The following PSMC1 variants were observed in gnomAD, a reference collection of about 807,000 sequenced individuals.
PSMC1 encodes the protein proteasome 26S subunit, ATPase 1.
A neutral mutation model predicts 49.8 loss-of-function variants in PSMC1; 5 were observed. The ratio of observed to expected loss-of-function variants is 0.10; its 90% CI spans 0.05 to 0.21. The LOEUF (loss-of-function observed/expected upper bound fraction) is 0.21. Ranked by LOEUF, PSMC1 falls within the 10% of genes least tolerant of loss-of-function variation. The pLI, the probability that PSMC1 is intolerant of heterozygous loss-of-function variation, is 1.00. For missense variants in PSMC1, 181 were observed against 535.7 expected, an observed-to-expected ratio of 0.34 and a Z score of 6.54; for synonymous variants, 155 against 192.1, an observed-to-expected ratio of 0.81 and a Z score of 1.60.
chr14:90,265,429 G>A (rs1032097284), intron 7 of PSMC1, among the ~76,000 whole-genome samples: 1 of 151,708 alleles, frequency 6.6e-6, no homozygotes, highest in Non-Finnish European at 1.5e-5. Flanking sequence ...AGTGGCTCAC[G>A]CCTGTAATCC....
chr14:90,272,467 A>C lies in PSMC1; in HGVS notation c.*60A>C. 7.7e-7 allele frequency: 1 copy of C among 1,292,084 alleles called. No homozygotes were observed. Among genetic ancestry groups the C allele is most frequent in the Non-Finnish European group, 1.1e-6 (1 of 943,120 alleles). The allele number at this position is 1,292,084 out of a possible 1,614,324, so 80.0% of individuals were successfully genotyped here. On this transcript the variant is annotated 3_prime_UTR_variant, in exon 11 of 11. Transcript: ENST00000261303. This position sits in a 1 kb window ranked among gnomAD's most constrained non-coding sequence, Gnocchi z 4.5. ...GATTTCTCAATCCCTGAAAGGGATG[A>C]GGTTGGGGGAGTTGCCCAGAGGAAT...
At chr14:90,265,321 G>C (rs533810399) in intron 7 of PSMC1, among the ~76,000 whole-genome samples, 155 bp downstream of exon 7, 22 of 150,834 alleles carry the variant, frequency 1.5e-4, no homozygotes, top group African/African-American at 5.1e-4. Flanking sequence ...GAATCACCTT[G>C]GGAGCTTTAA....
In PSMC1 at chr14:90,274,825, CACACACA is replaced by C. The variant is rs1891763908; in HGVS notation, c.*2419_*2425del. ...ACACACACACACACACACACACACA[CACACACA>C]CACACACCCCAATACATATGAATTG... is the stretch of plus-strand genomic sequence containing the variant. On this transcript the variant is annotated 3_prime_UTR_variant, in exon 11 of 11. Transcript: ENST00000261303. 1.1e-5 allele frequency: 1 copy of C among 91,818 alleles called. No homozygotes were observed. The highest frequency in any genetic ancestry group is 2.2e-5 in the Non-Finnish European group (1 of 46,000). 5.7% of individuals were successfully genotyped at this position (91,818 alleles called of 1,614,324 possible). A position where few individuals can be genotyped will look rare whatever the true frequency, so the allele number is the denominator to read the frequency against.
chr14:90,265,713 G>A (rs1891495648), intron 7 of PSMC1, among the ~76,000 whole-genome samples: 1 of 144,422 alleles, frequency 6.9e-6, no homozygotes, highest in African/African-American at 2.9e-5. Context: ...AAAAAGATTA[G>A]GTGGGCGTGG....
intron 8 of PSMC1, chr14:90,268,683 G>GT (rs1891582064): frequency 1.5e-5 from 5 of 343,850 alleles, no homozygotes; most frequent in Non-Finnish European, 2.1e-5. Flanking sequence ...GGACACAGTT[G>GT]TGAGCACAAG....
Position 90,270,312 on chromosome 14 carries a change from T to G in PSMC1, c.1148T>G (p.Leu383Arg). The G allele has an allele frequency of 6.2e-7, 1 of 1,613,706 alleles. No individual in the cohort carries two copies. The highest frequency in any genetic ancestry group is 8.5e-7 in the Non-Finnish European group (1 of 1,179,948). The change falls in exon 10 of 11, where the codon CTG (leucine) becomes CGG (arginine). Residue 383 changes from leucine to arginine, a missense_variant. Leu to Arg is a moderately radical substitution (Grantham distance 102). Around this residue, in one of 3 missense-constraint regions of PSMC1, gnomAD observed 60 missense variants for 155.5 expected, o/e 0.39. Coordinates refer to ENST00000261303, the MANE Select transcript of PSMC1 (RefSeq NM_002802.3). ...TLADDVTLDD[L>R]IMAKDDLSGA... ...GCTGATGATGTAACCCTGGACGACC[T>G]GATCATGGCTAAAGATGACCTCTCT...
rs1231981737 is a variant in PSMC1, at chr14:90,264,243, G to A, written c.594+74G>A. 3.8e-6 allele frequency: 6 copies of A among 1,571,798 alleles called. No homozygotes were observed. The African/African-American group carries it at 4.1e-5, about 11-fold the overall frequency. Reference sequence around the variant, plus strand: ...GTCCCATTTAGGATACTTTGCAGGTGTTTTGTATGTTTGCTTATTTATTAA... The same window carrying A: ...GTCCCATTTAGGATACTTTGCAGGTATTTTGTATGTTTGCTTATTTATTAA... On this transcript the variant is annotated intron_variant, in intron 6 of 10. Coordinates refer to ENST00000261303, the MANE Select transcript of PSMC1 (RefSeq NM_002802.3).
At chr14:90,257,664 A>G (rs987194739) in intron 1 of PSMC1, among the ~76,000 whole-genome samples, 3 of 152,116 alleles carry the variant, frequency 2.0e-5, no homozygotes, top group Admixed American at 6.5e-5. Context: ...GCTGGAGTGC[A>G]GTGGCGCGAT....
In PSMC1 at chr14:90,272,565, G is replaced by A. The variant is rs952687494; in HGVS notation, c.*158G>A. On this transcript the variant is annotated 3_prime_UTR_variant, in exon 11 of 11. Transcript: ENST00000261303. This position sits in a 1 kb window ranked among gnomAD's most constrained non-coding sequence, Gnocchi z 4.5. ...AGTACGATGTGTAAGTGCCCATTGG[G>A]TGGCCTGTTGGTCACTGTGCAGCAG... The A allele has an allele frequency of 2.1e-4, 119 of 577,254 alleles. No individual in the cohort carries two copies. The highest frequency in any genetic ancestry group is 3.4e-4 in the Non-Finnish European group (110 of 321,510). 35.8% of individuals were successfully genotyped at this position (577,254 alleles called of 1,614,324 possible).
chr14:90,259,096 A>G, intron 1 of PSMC1, 64 bp from the exon 2 acceptor site: 2 of 1,522,628 alleles, frequency 1.3e-6, no homozygotes, highest in Non-Finnish European at 1.8e-6. Context: ...AGGACAGTAT[A>G]AAGTTATTCT....
In PSMC1 at chr14:90,272,047, C is replaced by T. The variant is rs920147570; in HGVS notation, c.1189-226C>T. 6 of 347,088 alleles carry T rather than the reference C, an allele frequency of 1.7e-5. No homozygotes were observed. The highest frequency in any genetic ancestry group is 5.5e-5 in the South Asian group (2 of 36,096). 21.5% of individuals were successfully genotyped at this position (347,088 alleles called of 1,614,324 possible). Reference sequence around the variant, plus strand: ...AGCTAGGATTACAGGTGCCTGCCACCGTCCCTGGCTAACTTTTTGTATTTT... The same window carrying T: ...AGCTAGGATTACAGGTGCCTGCCACTGTCCCTGGCTAACTTTTTGTATTTT... On this transcript the variant is annotated intron_variant, in intron 10 of 10. Coordinates refer to ENST00000261303, the MANE Select transcript of PSMC1 (RefSeq NM_002802.3). This position sits in a 1 kb window ranked among gnomAD's most constrained non-coding sequence, Gnocchi z 4.5.
chr14:90,259,124 C>A, intron 1 of PSMC1, 36 bp from the exon 2 acceptor site: 1 of 1,607,106 alleles, frequency 6.2e-7, no homozygotes, highest in Non-Finnish European at 8.5e-7. Flanking sequence ...TGATCATATT[C>A]TGAATTTACA....
Position 90,265,210 on chromosome 14 carries a change from T to C in PSMC1, c.691+44T>C, listed in dbSNP as rs79481762. On this transcript the variant is annotated intron_variant, in intron 7 of 10. Transcript: ENST00000261303. ...ACTTTCCAGGCACCCAGCTGGTCTC[T>C]TGAGCAGCAGCATTGGCTAGTTATA... The C allele has an allele frequency of 1.5e-4, 206 of 1,330,170 alleles. No homozygotes were observed. The East Asian group carries it at 3.8e-3, about 25-fold the overall frequency. The allele number at this position is 1,330,170 out of a possible 1,614,324, so 82.4% of individuals were successfully genotyped here.
At chr14:90,269,293 G>C (rs1408686016) in intron 8 of PSMC1, 104 bp from the exon 9 acceptor site, 5 of 1,003,176 alleles carry the variant, frequency 5.0e-6, no homozygotes, top group Non-Finnish European at 7.2e-6. Context: ...GTTGAAACAG[G>C]AATGTTTGTT....
chr14:90,268,268 A>C lies in PSMC1; in HGVS notation c.736A>C (p.Thr246Pro). Reference sequence around the variant, plus strand: ...AGCAGTAGCAAACCAAACCTCAGCCACTTTCTTGAGAGTGGTTGGCTCTGA... The same window carrying C: ...AGCAGTAGCAAACCAAACCTCAGCCCCTTTCTTGAGAGTGGTTGGCTCTGA... The part of the protein sequence containing the change: ...AKAVANQTSA[T>P]FLRVVGSELI... Residue 246 changes from threonine (T) to proline (P), a missense_variant, in exon 8 of 11, where the codon ACT (threonine) becomes CCT (proline). Physicochemically the swap from Thr to Pro is conservative, Grantham distance 38 (BLOSUM62 -1). Around this residue, in one of 3 missense-constraint regions of PSMC1, gnomAD observed 121 missense variants for 358.6 expected, o/e 0.34. Coordinates refer to ENST00000261303, the MANE Select transcript of PSMC1 (RefSeq NM_002802.3). 2 of 1,606,704 alleles carry C rather than the reference A, an allele frequency of 1.2e-6. No homozygotes were observed. The highest frequency in any genetic ancestry group is 1.7e-6 in the Non-Finnish European group (2 of 1,176,994).
intron 1 of PSMC1, among the ~76,000 whole-genome samples, chr14:90,257,346 T>C (rs1263590149): frequency 1.3e-5 from 2 of 151,616 alleles, no homozygotes; most frequent in African/African-American, 4.9e-5. Context: ...ATGTCAGGGG[T>C]GGGGTGGTCA....
chr14:90,264,218 G>A (rs753666723), intron 6 of PSMC1, 49 bp downstream of exon 6: 1 of 1,605,872 alleles, frequency 6.2e-7, no homozygotes, highest in African/African-American at 1.3e-5. Flanking sequence ...GGTTTCTGTT[G>A]TCCCATTTAG....
rs1491397403 is a variant in PSMC1, at chr14:90,274,838, A to ACACACACACACACC, written c.*2432_*2433insACACACACACACCC. 19 of 67,214 alleles carry ACACACACACACACC rather than the reference A, an allele frequency of 2.8e-4. No individual in the cohort carries two copies. The highest frequency in any genetic ancestry group is 6.8e-4 in the East Asian group (2 of 2,958). 4.2% of individuals were successfully genotyped at this position (67,214 alleles called of 1,614,324 possible). A position where few individuals can be genotyped will look rare whatever the true frequency, so the allele number is the denominator to read the frequency against. On this transcript the variant is annotated 3_prime_UTR_variant, in exon 11 of 11. Transcript: ENST00000261303. Reference sequence around the variant, plus strand: ...CACACACACACACACACACACACACACCCCAATACATATGAATTGATCTGA... The same window carrying ACACACACACACACC: ...CACACACACACACACACACACACACACACACACACACACCCCCCAATACATATGAATTGATCTGA...
chr14:90,266,732 G>A (rs1182181723), intron 7 of PSMC1, among the ~76,000 whole-genome samples: 1 of 152,214 alleles, frequency 6.6e-6, no homozygotes, highest in Non-Finnish European at 1.5e-5. Context: ...GCAGCCCACT[G>A]GCTAGACTTG....
Sources: gnomAD v4.1 joint callset for allele counts (sites outside exome capture counted in the v4.1 genomes callset) on GRCh38, gnomAD v4.1.1 for gene constraint, gnomAD v4.1.1 regional missense constraint, Gnocchi (gnomAD v3.1) non-coding constraint, MANE v1.5 for transcripts, NCBI Gene and HGNC (gene_info 2026-07-23, HGNC 2026-07-21) for gene names.